MDM1: variants seen among roughly 807,000 people sequenced by gnomAD.
The protein encoded by MDM1 is Mdm1 nuclear protein.
Under a neutral mutation model 89.1 loss-of-function variants are expected in MDM1, and 61 were observed. That is an observed-to-expected ratio of 0.68 (90% confidence interval 0.56 to 0.85). The LOEUF is 0.85. Among genes scored for constraint, MDM1 ranks in the 40% least tolerant of loss-of-function variants. The pLI is 0.00. For missense variants in MDM1, 820 were observed against 846.5 expected, an observed-to-expected ratio of 0.97 and a Z score of 0.39; for synonymous variants, 290 against 294.1, an observed-to-expected ratio of 0.99 and a Z score of 0.14.
chr12:68,331,346 G>A (rs1221478263), intron 1 of MDM1, 125 bp from the exon 2 acceptor site: 10 of 680,664 alleles, frequency 1.5e-5, no homozygotes, highest in African/African-American at 1.8e-5. Context: ...AAACACAGAC[G>A]AGCTCCTTAA....
intron 4 of MDM1, among the ~76,000 whole-genome samples, chr12:68,324,847 ACTAT>A (rs1390670488): frequency 2.6e-5 from 4 of 152,294 alleles, no homozygotes; most frequent in South Asian, 2.1e-4. Flanking sequence ...AAAACAACAG[ACTAT>A]CTATTAGTAA....
At chr12:68,300,928 CAATA>C (rs1352294111) in intron 13 of MDM1, among the ~76,000 whole-genome samples, 2 of 152,152 alleles carry the variant, frequency 1.3e-5, no homozygotes, top group Non-Finnish European at 2.9e-5. Flanking sequence ...AGACAAGTCT[CAATA>C]AATTTAAGAA....
rs1167663261 is a variant in MDM1 at position 68,295,169 on chromosome 12, A to C, written c.*85T>G. 7 of 806,048 alleles carry C rather than the reference A, an allele frequency of 8.7e-6. No individual in the cohort carries two copies. The Admixed American group carries it at 9.9e-5, about 11-fold the overall frequency. The allele number at this position is 806,048 out of a possible 1,614,324, so 49.9% of individuals were successfully genotyped here. A position where few individuals can be genotyped will look rare whatever the true frequency, so the allele number is the denominator to read the frequency against. On this transcript the variant is annotated 3_prime_UTR_variant, in exon 15 of 15. Transcript: ENST00000682720. ...TTTCAAAGTAGAAAACGTTAGGAAA[A>C]ACTTCACTCAAAAAATTTTAACACA... is the stretch of plus-strand genomic sequence containing the variant.
At chr12:68,322,371 A>G (rs7967333) in intron 5 of MDM1, among the ~76,000 whole-genome samples, 151,136 of 152,358 alleles carry the variant, frequency 0.99, 74,974 homozygotes, top group Middle Eastern at 1. Context: ...GGTGGCTCAC[A>G]CCTGTAATCC....
Position 68,313,445 on chromosome 12 carries a change from T to C in MDM1, c.1747A>G (p.Lys583Glu). 1 of 1,604,678 alleles carries C rather than the reference T, an allele frequency of 6.2e-7. No homozygotes were observed. The highest frequency in any genetic ancestry group is 1.7e-5 in the Admixed American group (1 of 59,952). ...CLETSKNDFT[K>E]KESRAVSLLT... ...TTTTTTCCCCAAAACATGTTTACCT[T>C]AGTAAAATCATTCTTTGAAGTTTCT... Residue 583 changes from lysine to glutamate, a missense_variant and splice_region_variant, in exon 12 of 15, where the codon AAG (lysine) becomes GAG (glutamate). Lys to Glu is a moderately conservative substitution (Grantham distance 56). Transcript: ENST00000682720.
intron 12 of MDM1, among the ~76,000 whole-genome samples, chr12:68,303,840 C>T (rs544651229): frequency 1.3e-5 from 2 of 152,324 alleles, no homozygotes; most frequent in Non-Finnish European, 2.9e-5. Context: ...CTGAACAGTA[C>T]ATGTGAGATA....
At chr12:68,314,261 A>C (rs1874157675) in intron 10 of MDM1, among the ~76,000 whole-genome samples, 1 of 152,204 alleles carries the variant, frequency 6.6e-6, no homozygotes, top group Non-Finnish European at 1.5e-5. Flanking sequence ...GCACAAGATC[A>C]AAAATAAAAC....
chr12:68,324,967 T>C lies in MDM1; in HGVS notation c.633+474A>G, dbSNP rs372624854. On this transcript the variant is annotated intron_variant, in intron 4 of 14. Transcript: ENST00000682720. ...TAGTTATACTGACAATGCCTATTAC[T>C]ATTTGTCTGATACAAGGACAAAATT... The C allele has an allele frequency of 3.1e-5, 30 of 960,848 alleles. No individual in the cohort carries two copies. In the African/African-American group the frequency reaches 3.9e-4, roughly 12 times the overall value. The allele number at this position is 960,848 out of a possible 1,614,324, so 59.5% of individuals were successfully genotyped here.
chr12:68,298,876 A>G (rs1267152679), intron 13 of MDM1, among the ~76,000 whole-genome samples: 1 of 152,198 alleles, frequency 6.6e-6, no homozygotes, highest in Non-Finnish European at 1.5e-5. Context: ...ATGAAAAAGT[A>G]CACACCACAG....
chr12:68,313,979 A>G (rs1391244790), intron 10 of MDM1, among the ~76,000 whole-genome samples: 1 of 152,056 alleles, frequency 6.6e-6, no homozygotes, highest in Non-Finnish European at 1.5e-5. Flanking sequence ...TAAAAACACA[A>G]AAACAAAATT....
intron 12 of MDM1, among the ~76,000 whole-genome samples, chr12:68,303,747 C>T (rs540901865): frequency 2.0e-5 from 3 of 152,176 alleles, no homozygotes; most frequent in Non-Finnish European, 2.9e-5. Flanking sequence ...ATTATAAAAC[C>T]TTTCTACACT....
chr12:68,331,866 A>G, intron 1 of MDM1: 1 of 513,928 alleles, frequency 1.9e-6, no homozygotes, highest in South Asian at 1.8e-5. Flanking sequence ...AAAGTTTTAA[A>G]GGTAATGGGG....
intron 7 of MDM1, among the ~76,000 whole-genome samples, chr12:68,319,513 G>A (rs1874941946): frequency 6.6e-6 from 1 of 152,148 alleles, no homozygotes; most frequent in Non-Finnish European, 1.5e-5. Flanking sequence ...GAAAATGAAG[G>A]AGTACTGTAC....
chr12:68,324,891 G>A, intron 4 of MDM1: 2 of 502,554 alleles, frequency 4.0e-6, no homozygotes, highest in Non-Finnish European at 2.6e-6. Flanking sequence ...TTGTGCAGGA[G>A]TATAATGAAA....
intron 12 of MDM1, among the ~76,000 whole-genome samples, chr12:68,305,239 A>G (rs1385444129): frequency 6.6e-6 from 1 of 152,198 alleles, no homozygotes; most frequent in Non-Finnish European, 1.5e-5. Flanking sequence ...AAAATCCTCA[A>G]CAAACTAGGC....
At chr12:68,320,086 G>A (rs559209363) in intron 7 of MDM1, among the ~76,000 whole-genome samples, 1 of 152,296 alleles carries the variant, frequency 6.6e-6, no homozygotes, top group Admixed American at 6.5e-5. Flanking sequence ...CAACAGGCCA[G>A]CGGCTGACAT....
At position 68,302,800 on chromosome 12, in the gene MDM1, G is replaced by A. The variant is rs200599940; in HGVS notation, c.1822C>T (p.Arg608Trp). 115 of 1,609,822 alleles carry A rather than the reference G, an allele frequency of 7.1e-5. No homozygotes were observed. The highest frequency in any genetic ancestry group is 1.5e-4 in the Admixed American group (9 of 59,258). The change falls in exon 13 of 15, where the codon CGG (arginine) becomes TGG (tryptophan). Residue 608 changes from arginine (R) to tryptophan (W), a missense_variant. Arg to Trp is a moderately radical substitution (Grantham distance 101). Coordinates refer to ENST00000682720, the MANE Select transcript of MDM1 (RefSeq NM_001354969.2). Reference sequence around the variant, plus strand: ...TGGATATTGTCTTCAGAATCTTCCCGCAAAGGCAGAGGATCAACTGTTTTT... The same window carrying A: ...TGGATATTGTCTTCAGAATCTTCCCACAAAGGCAGAGGATCAACTGTTTTT... ...GIKTVDPLPL[R>W]EDSEDNIHKF... is the part of the protein sequence containing the mutation.
At chr12:68,296,397 C>T (rs12825097) in intron 14 of MDM1, among the ~76,000 whole-genome samples, 1,609 of 152,292 alleles carry the variant, frequency 0.011, 13 homozygotes, top group Non-Finnish European at 0.017. Context: ...ATTTGGGAGG[C>T]TGAGGCAGGA....
chr12:68,311,529 T>C (rs1017593735), intron 12 of MDM1, among the ~76,000 whole-genome samples: 1 of 152,154 alleles, frequency 6.6e-6, no homozygotes, highest in African/African-American at 2.4e-5. Flanking sequence ...AATTCTGCTT[T>C]CCCTCTTTTA....
Sources: allele counts gnomAD v4.1 joint callset (sites outside exome capture counted in the v4.1 genomes callset), GRCh38; gene constraint gnomAD v4.1.1; transcripts MANE v1.5; gene names NCBI Gene and HGNC (gene_info 2026-07-23, HGNC 2026-07-21).